GABRG3: variants seen among roughly 807,000 people sequenced by gnomAD.
GABRG3 encodes gamma-aminobutyric acid receptor subunit gamma-3.
Under a neutral mutation model 48.8 loss-of-function variants are expected in GABRG3, and 25 were observed. The observed-to-expected ratio is 0.51, with a 90% confidence interval of 0.37 to 0.72. The LOEUF (loss-of-function observed/expected upper bound fraction) is 0.72, where lower values mean the gene tolerates loss of function less well. GABRG3 is among the 30% of genes least tolerant of loss of function. GABRG3 has a pLI of 0.00. For synonymous variants in GABRG3, 227 were observed against 217.6 expected (o/e 1.04, Z -0.38); for missense variants, 394 against 577.9 (o/e 0.68, Z 3.26).
chr15:27,335,243 G>A lies in GABRG3; in HGVS notation c.574+6355G>A, dbSNP rs549879792. Among the ~76,000 whole-genome samples the A allele has an allele frequency of 1.0e-4, 14 of 140,292 alleles. No homozygotes were observed. In the East Asian group the frequency reaches 2.3e-3, roughly 23 times the overall value. The allele number at this position is 140,292 out of a possible 152,430, so 92.0% of individuals were successfully genotyped here. A position where few individuals can be genotyped will look rare whatever the true frequency, so the allele number is the denominator to read the frequency against. ...TTGAGTCCCAGCTTTCAGTTCTTAC[G>A]GGTATATTCCTAGAAGTGGAATTGC... is the stretch of plus-strand genomic sequence containing the variant. On this transcript the variant is annotated intron_variant, in intron 5 of 9. Coordinates refer to ENST00000615808, the MANE Select transcript of GABRG3 (RefSeq NM_033223.5).
chr15:27,065,679 G>C (rs1171455779), intron 3 of GABRG3, among the ~76,000 whole-genome samples: 1 of 152,264 alleles, frequency 6.6e-6, no homozygotes, highest in African/African-American at 2.4e-5. Context: ...CAAGAGAAGA[G>C]ACCTTAGCTG....
At chr15:27,035,246 T>C (rs531830817) in intron 3 of GABRG3, among the ~76,000 whole-genome samples, 5 of 152,370 alleles carry the variant, frequency 3.3e-5, no homozygotes, top group Admixed American at 6.5e-5. Flanking sequence ...GTCACCATTT[T>C]ATACAAAATG....
At chr15:27,340,934 T>A (rs1405945391) in intron 5 of GABRG3, 2 of 485,086 alleles carry the variant, frequency 4.1e-6, no homozygotes, top group Admixed American at 4.7e-5. Flanking sequence ...AGCTGTTTTT[T>A]AAGAACAGAG....
chr15:27,442,797 T>A (rs1378110490), intron 5 of GABRG3, among the ~76,000 whole-genome samples: 1 of 152,214 alleles, frequency 6.6e-6, no homozygotes, highest in East Asian at 1.9e-4. Context: ...ATTTTTATAT[T>A]TCAGAGGAAT....
At chr15:27,291,715 C>T (rs1891797901) in intron 3 of GABRG3, among the ~76,000 whole-genome samples, 1 of 152,196 alleles carries the variant, frequency 6.6e-6, no homozygotes, top group South Asian at 2.1e-4. Flanking sequence ...AATTGAAGAA[C>T]AAACATCTGC....
At chr15:26,993,622 A>G (rs762105580) in intron 2 of GABRG3, among the ~76,000 whole-genome samples, 2 of 152,086 alleles carry the variant, frequency 1.3e-5, no homozygotes, top group South Asian at 2.1e-4. Flanking sequence ...GACATAACAT[A>G]TGGTATACCC....
At chr15:27,250,786 T>A (rs979541999) in intron 3 of GABRG3, among the ~76,000 whole-genome samples, 8 of 152,168 alleles carry the variant, frequency 5.3e-5, no homozygotes, top group African/African-American at 1.9e-4. Flanking sequence ...ACACATTTTC[T>A]TAGTCAATTA....
chr15:27,088,732 T>C (rs146804050), intron 3 of GABRG3, among the ~76,000 whole-genome samples: 132 of 152,060 alleles, frequency 8.7e-4, no homozygotes, highest in African/African-American at 2.9e-3. Flanking sequence ...GAGAGCAGCA[T>C]GGGGGAAACC....
At chr15:27,225,562 T>G (rs1420703801) in intron 3 of GABRG3, among the ~76,000 whole-genome samples, 1 of 152,146 alleles carries the variant, frequency 6.6e-6, no homozygotes, top group Non-Finnish European at 1.5e-5. Flanking sequence ...GCTGGGCATT[T>G]GGGTTGTTCA....
rs1302059860 is a variant in GABRG3, at chr15:26,995,181, C to T, written c.202+18031C>T. Among the ~76,000 whole-genome samples, 4 of 151,940 alleles carry T rather than the reference C, an allele frequency of 2.6e-5. No homozygotes were observed. In the East Asian group the frequency reaches 5.8e-4, roughly 22 times the overall value. ...TTTATTATATGTCCCAATACATAGGCTGTTTATCAATATGAAATATTTCTC... is the reference window on the plus strand; with the variant it reads ...TTTATTATATGTCCCAATACATAGGTTGTTTATCAATATGAAATATTTCTC... On this transcript the variant is annotated intron_variant, in intron 2 of 9. Transcript: ENST00000615808.
chr15:27,012,124 T>C (rs1595471558), intron 2 of GABRG3, among the ~76,000 whole-genome samples: 1 of 152,178 alleles, frequency 6.6e-6, no homozygotes, highest in African/African-American at 2.4e-5. Context: ...TCTCTATTAT[T>C]TTTCTGTGTG....
intron 3 of GABRG3, among the ~76,000 whole-genome samples, chr15:27,289,833 G>T (rs918349185): frequency 6.6e-6 from 1 of 152,146 alleles, no homozygotes; most frequent in Admixed American, 6.6e-5. Context: ...AGATGATTAC[G>T]TATAGAAATA....
chr15:27,079,675 T>C (rs572596894), intron 3 of GABRG3, among the ~76,000 whole-genome samples: 5 of 152,244 alleles, frequency 3.3e-5, no homozygotes, highest in African/African-American at 1.2e-4. Flanking sequence ...CCTCGGGCCT[T>C]CTATTCATGG....
At chr15:27,388,062 A>G (rs1595720446) in intron 5 of GABRG3, among the ~76,000 whole-genome samples, 1 of 93,246 alleles carries the variant, frequency 1.1e-5, no homozygotes, top group Non-Finnish European at 2.0e-5. Flanking sequence ...GGTGGGAGGG[A>G]GGGTAAGGAA....
intron 3 of GABRG3, among the ~76,000 whole-genome samples, chr15:27,081,945 A>G (rs4887556): frequency 0.18 from 27,456 of 152,148 alleles, 2,577 homozygotes; most frequent in Middle Eastern, 0.25. Context: ...TCTAATCTTC[A>G]GTGAGAGTTC....
chr15:27,002,240 A>G (rs979774942), intron 2 of GABRG3, among the ~76,000 whole-genome samples: 17 of 152,212 alleles, frequency 1.1e-4, no homozygotes, highest in Admixed American at 9.8e-4. Context: ...CTCGAAGGAC[A>G]CACAGTAGTG....
chr15:27,032,497 A>T (rs1404318212), intron 3 of GABRG3, among the ~76,000 whole-genome samples: 2 of 152,168 alleles, frequency 1.3e-5, no homozygotes, highest in South Asian at 2.1e-4. Flanking sequence ...TCTGCTTCTG[A>T]TGAGAGCCTC....
intron 3 of GABRG3, among the ~76,000 whole-genome samples, chr15:27,115,371 G>A (rs1897623030): frequency 1.3e-5 from 2 of 152,316 alleles, no homozygotes; most frequent in African/African-American, 2.4e-5. Context: ...ACTGACCAGT[G>A]CACAGAACAC....
intron 3 of GABRG3, among the ~76,000 whole-genome samples, chr15:27,033,756 C>T (rs914013320): frequency 6.6e-6 from 1 of 152,090 alleles, no homozygotes; most frequent in Non-Finnish European, 1.5e-5. Context: ...TCATTTTCCA[C>T]TTGAAAAATG....
Sources: gnomAD v4.1 joint callset for allele counts (sites outside exome capture counted in the v4.1 genomes callset) on GRCh38, gnomAD v4.1.1 for gene constraint, MANE v1.5 for transcripts, NCBI Gene and HGNC (gene_info 2026-07-23, HGNC 2026-07-21) for gene names.